The following ASNS variants were observed in gnomAD, a reference collection of about 807,000 sequenced individuals.
ASNS encodes asparagine synthetase [glutamine-hydrolyzing].
A neutral mutation model predicts 62.6 loss-of-function variants in ASNS; 37 were observed. The observed-to-expected ratio is 0.59, with a 90% CI of 0.45 to 0.78. The LOEUF (loss-of-function observed/expected upper bound fraction) is 0.78. Ranked by LOEUF, ASNS falls within the 30% of genes least tolerant of loss-of-function variation. The pLI, the probability that ASNS is intolerant of heterozygous loss-of-function variation, is 0.00. For synonymous variants in ASNS, 207 were observed against 237.9 expected, an observed-to-expected ratio of 0.87 and a Z score of 1.19; for missense variants, 520 against 682.4, an observed-to-expected ratio of 0.76 and a Z score of 2.65.
the ASNS span, among the ~76,000 whole-genome samples, chr7:97,901,478 C>T: frequency 6.6e-6 from 1 of 152,208 alleles, no homozygotes; most frequent in African/African-American, 2.4e-5. Flanking sequence ...CAGGCATGAG[C>T]CACCATGCCC....
At chr7:97,892,593 A>G in the ASNS span, among the ~76,000 whole-genome samples, 1 of 151,990 alleles carries the variant, frequency 6.6e-6, no homozygotes, top group Non-Finnish European at 1.5e-5. Flanking sequence ...AATTTCTTCT[A>G]TCAGATACCC....
chr7:97,907,403 G>T, the ASNS span, among the ~76,000 whole-genome samples: 1 of 152,146 alleles, frequency 6.6e-6, no homozygotes. Context: ...ATAGCACATG[G>T]CCTCTTCATG....
chr7:97,927,985 C>G, the ASNS span: 1 of 704,148 alleles, frequency 1.4e-6, no homozygotes, highest in Non-Finnish European at 2.4e-6. Context: ...CAGCTTTAAC[C>G]CGGGGCAGGC....
chr7:97,922,853 G>A, the ASNS span, among the ~76,000 whole-genome samples: 4 of 152,322 alleles, frequency 2.6e-5, no homozygotes, highest in Non-Finnish European at 4.4e-5. Context: ...GTGCAGTGGT[G>A]TGATCTCGGC....
intron 10 of ASNS, among the ~76,000 whole-genome samples, chr7:97,853,794 T>G (rs1791300957): frequency 6.6e-6 from 1 of 152,218 alleles, no homozygotes; most frequent in Admixed American, 6.5e-5. Context: ...AGTATTTTTT[T>G]GCCACTGATT....
At chr7:97,926,683 C>G in the ASNS span, among the ~76,000 whole-genome samples, 5 of 152,260 alleles carry the variant, frequency 3.3e-5, no homozygotes, top group East Asian at 9.6e-4. Context: ...ATACAGGCGC[C>G]GCGAAAAGAG....
At chr7:97,928,183 C>T in the ASNS span, 1 of 1,529,888 alleles carries the variant, frequency 6.5e-7, no homozygotes, top group Non-Finnish European at 8.7e-7. Context: ...CTTCCCCCCT[C>T]CAGCAAGAGC....
the ASNS span, among the ~76,000 whole-genome samples, chr7:97,908,044 T>C: frequency 6.6e-6 from 1 of 152,124 alleles, no homozygotes; most frequent in Non-Finnish European, 1.5e-5. Flanking sequence ...AGGACTATGA[T>C]TGCAGAACAG....
At chr7:97,904,175 T>C in the ASNS span, among the ~76,000 whole-genome samples, 4 of 152,134 alleles carry the variant, frequency 2.6e-5, no homozygotes, top group Non-Finnish European at 5.9e-5. Context: ...GATTCTCAGA[T>C]TTTTCTATTT....
the ASNS span, chr7:97,928,147 C>A: frequency 2.0e-6 from 3 of 1,467,126 alleles, no homozygotes; most frequent in Non-Finnish European, 2.7e-6. Flanking sequence ...GCGTCCTCCC[C>A]GTCCTCGCAG....
the ASNS span, among the ~76,000 whole-genome samples, chr7:97,888,187 T>G: frequency 1.1e-4 from 16 of 152,228 alleles, no homozygotes; most frequent in African/African-American, 3.9e-4. Flanking sequence ...TTGCCCAAGT[T>G]GGTTTCAAAC....
intron 3 of ASNS, among the ~76,000 whole-genome samples, chr7:97,866,873 G>A (rs1457890152): frequency 9.2e-5 from 14 of 152,162 alleles, no homozygotes; most frequent in East Asian, 5.8e-4. Context: ...GCAGGTGGGG[G>A]CCTGTAAACA....
the ASNS span, among the ~76,000 whole-genome samples, chr7:97,900,378 A>C: frequency 1.1e-4 from 16 of 150,348 alleles, no homozygotes; most frequent in African/African-American, 3.7e-4. Context: ...AAAAAAAAAA[A>C]AAAAAACAGA....
upstream of ASNS, among the ~76,000 whole-genome samples, chr7:97,873,775 G>T (rs536314722): frequency 1.4e-4 from 22 of 152,146 alleles, no homozygotes; most frequent in Admixed American, 2.6e-4. Context: ...CCCCTGCTTG[G>T]TGTGTTACCT....
chr7:97,898,097 T>C, the ASNS span, among the ~76,000 whole-genome samples: 1 of 152,040 alleles, frequency 6.6e-6, no homozygotes, highest in Non-Finnish European at 1.5e-5. Flanking sequence ...GCGGATACTT[T>C]TTTTTTTCTT....
chr7:97,903,935 G>A, the ASNS span, among the ~76,000 whole-genome samples: 1 of 152,116 alleles, frequency 6.6e-6, no homozygotes, highest in Middle Eastern at 3.2e-3. Context: ...CAGTATCACT[G>A]TAGCAAGAAG....
the ASNS span, among the ~76,000 whole-genome samples, chr7:97,919,460 G>T: frequency 6.6e-6 from 1 of 152,180 alleles, no homozygotes; most frequent in Non-Finnish European, 1.5e-5. Context: ...AGAGTCCAAG[G>T]CAGGAAAGGC....
chr7:97,880,394 G>A, the ASNS span, among the ~76,000 whole-genome samples: 1,210 of 152,300 alleles, frequency 7.9e-3, 10 homozygotes, highest in African/African-American at 0.028. Context: ...AAAGTGCTGG[G>A]ATTACAGGCA....
chr7:97,858,388 A>G lies in ASNS; in HGVS notation c.793T>C (p.Leu265=). The change falls in exon 7 of 13, where the codon TTG becomes CTG. Residue 265 remains leucine, a synonymous_variant. Transcript: ENST00000394308. The part of the protein sequence containing the change: ...CLLSGGLDSS[L]VAATLLKQLK... ...TGCTTCAACAGAGTGGCAGCAACCA[A>G]GCTGGAGTCCAAGCCCCCTACATGC... 1 of 1,614,164 alleles carries G rather than the reference A, an allele frequency of 6.2e-7. No homozygotes were observed.
Sources: gnomAD v4.1 joint callset for allele counts (sites outside exome capture counted in the v4.1 genomes callset) on GRCh38, gnomAD v4.1.1 for gene constraint, MANE v1.5 for transcripts, NCBI Gene and HGNC (gene_info 2026-07-23, HGNC 2026-07-21) for gene names.